Variants in NEDD4L observed in about 807,000 individuals in gnomAD.
NEDD4L encodes the protein E3 ubiquitin-protein ligase NEDD4-like.
NEDD4L carries 54 observed loss-of-function variants against 148.9 expected under a neutral mutation model. That is an observed-to-expected ratio of 0.36 (90% CI 0.29 to 0.45). The LOEUF (loss-of-function observed/expected upper bound fraction) is 0.45, where lower values mean the gene tolerates loss of function less well. Ranked by LOEUF, NEDD4L falls within the 20% of genes least tolerant of loss-of-function variation. The probability of loss-of-function intolerance (pLI) is 1.00; values close to 1 mark genes in which losing one functional copy is unlikely to be tolerated. For synonymous variants in NEDD4L, 433 were observed against 440.7 expected, an observed-to-expected ratio of 0.98 and a Z score of 0.22; for missense variants, 856 against 1,233.8, an observed-to-expected ratio of 0.69 and a Z score of 4.59.
intron 2 of NEDD4L, among the ~76,000 whole-genome samples, chr18:58,225,871 A>G (rs956683010): frequency 1.3e-5 from 2 of 152,216 alleles, no homozygotes; most frequent in Non-Finnish European, 2.9e-5. Flanking sequence ...GGGTAAGGCC[A>G]TCACAATTAC....
At chr18:58,154,709 C>A (rs1406518915) in intron 1 of NEDD4L, among the ~76,000 whole-genome samples, 1 of 152,284 alleles carries the variant, frequency 6.6e-6, no homozygotes, top group East Asian at 1.9e-4. Context: ...ATCGCTTGAA[C>A]CCAGGGAGGC....
At chr18:58,126,470 C>A (rs1425476357) in intron 1 of NEDD4L, among the ~76,000 whole-genome samples, 1 of 73,494 alleles carries the variant, frequency 1.4e-5, no homozygotes. Flanking sequence ...GTACTTCATT[C>A]CTTTTTATGG....
intron 4 of NEDD4L, among the ~76,000 whole-genome samples, chr18:58,250,868 G>A (rs1327150768): frequency 1.3e-5 from 2 of 152,212 alleles, no homozygotes; most frequent in East Asian, 3.8e-4. Flanking sequence ...TGTCACACAT[G>A]TGGTTGGTGC....
At chr18:58,325,274 A>G (rs2059212024) in intron 9 of NEDD4L, 112 bp downstream of exon 9, 3 of 1,258,032 alleles carry the variant, frequency 2.4e-6, no homozygotes, top group Non-Finnish European at 3.3e-6. Flanking sequence ...CTATAAGAGC[A>G]GATGGTGGTG....
chr18:58,191,519 T>C (rs1458030645), intron 2 of NEDD4L, among the ~76,000 whole-genome samples: 2 of 152,218 alleles, frequency 1.3e-5, no homozygotes, highest in Non-Finnish European at 1.5e-5. Flanking sequence ...TGAGGTGATC[T>C]GAAGGTTAGC....
At chr18:58,328,945 C>T (rs778266307) in intron 9 of NEDD4L, 50 bp from the exon 10 acceptor site, 41 of 1,610,286 alleles carry the variant, frequency 2.5e-5, no homozygotes, top group East Asian at 1.6e-4. Context: ...ATGAAGGGCC[C>T]GATCTCAACC....
chr18:58,390,523 A>G (rs1386761263), intron 28 of NEDD4L, 123 bp from the exon 29 acceptor site: 1 of 625,134 alleles, frequency 1.6e-6, no homozygotes, highest in African/African-American at 1.8e-5. Context: ...CTCAGTTTTC[A>G]GAGTCAACTG....
chr18:58,289,509 A>C (rs1460975628), intron 5 of NEDD4L, among the ~76,000 whole-genome samples: 3 of 152,220 alleles, frequency 2.0e-5, no homozygotes, highest in Non-Finnish European at 4.4e-5. Context: ...AGTACTTTTA[A>C]ATAAGGTTAT....
chr18:58,126,200 T>C (rs532180440), intron 1 of NEDD4L, among the ~76,000 whole-genome samples: 3 of 152,256 alleles, frequency 2.0e-5, no homozygotes, highest in Non-Finnish European at 4.4e-5. Context: ...GCTTTTAGTA[T>C]ATTCACACAC....
At chr18:58,140,885 A>G (rs1426074029) in intron 1 of NEDD4L, among the ~76,000 whole-genome samples, 3 of 152,178 alleles carry the variant, frequency 2.0e-5, no homozygotes, top group Admixed American at 6.5e-5. Context: ...CCTTAGAGGG[A>G]AGCATTGAGG....
At chr18:58,199,901 G>A (rs2041202382) in intron 2 of NEDD4L, among the ~76,000 whole-genome samples, 1 of 152,216 alleles carries the variant, frequency 6.6e-6, no homozygotes, top group Non-Finnish European at 1.5e-5. Context: ...TGCATTAATT[G>A]TGAGACATGT....
intron 24 of NEDD4L, among the ~76,000 whole-genome samples, chr18:58,377,666 G>T (rs934109486): frequency 6.6e-6 from 1 of 152,158 alleles, no homozygotes; most frequent in Non-Finnish European, 1.5e-5. Flanking sequence ...GGGAGGAGGG[G>T]CCCTTTTAGG....
chr18:58,303,721 T>G (rs981745603), intron 5 of NEDD4L, among the ~76,000 whole-genome samples: 1 of 152,192 alleles, frequency 6.6e-6, no homozygotes, highest in African/African-American at 2.4e-5. Flanking sequence ...TTCTTCAAAT[T>G]AAGCCATCCT....
chr18:58,233,908 A>G (rs2045563653), intron 2 of NEDD4L, among the ~76,000 whole-genome samples: 1 of 151,598 alleles, frequency 6.6e-6, no homozygotes, highest in Non-Finnish European at 1.5e-5. Flanking sequence ...CCTGTAAATG[A>G]CAATCTTCTC....
At chr18:58,165,566 C>G (rs2036745068) in intron 1 of NEDD4L, 4 of 776,816 alleles carry the variant, frequency 5.1e-6, no homozygotes, top group African/African-American at 1.9e-5. Flanking sequence ...TAAACTTGTG[C>G]TTAATTAACT....
chr18:58,060,109 C>T (rs182748269), intron 1 of NEDD4L, among the ~76,000 whole-genome samples: 1,256 of 89,764 alleles, frequency 0.014, 13 homozygotes, highest in Admixed American at 0.053. Context: ...GTGGTGTGTC[C>T]GGGAGTGCTT....
Position 58,123,646 on chromosome 18 carries a change from C to T in NEDD4L, c.49-42142C>T, listed in dbSNP as rs532415748. On this transcript the variant is annotated intron_variant, in intron 1 of 30. Coordinates refer to ENST00000400345, the MANE Select transcript of NEDD4L (RefSeq NM_001144967.3). ...ACTCATTGTATCAGGAATCTTATTA[C>T]ACTTTTGCAGCAGTTTCATCGGTTC... Among the ~76,000 whole-genome samples the T allele has an allele frequency of 3.3e-5, 5 of 152,332 alleles. No individual in the cohort carries two copies. The South Asian group carries it at 1.0e-3, about 32-fold the overall frequency.
intron 2 of NEDD4L, chr18:58,221,823 T>C (rs2043807909): frequency 1.5e-6 from 1 of 646,852 alleles, no homozygotes; most frequent in East Asian, 1.4e-4. Context: ...TGGTGTGAGT[T>C]TGATGTTGGT....
intron 1 of NEDD4L, among the ~76,000 whole-genome samples, chr18:58,139,974 C>G (rs1382448118): frequency 6.6e-6 from 1 of 152,148 alleles, no homozygotes; most frequent in Admixed American, 6.5e-5. Flanking sequence ...TTATATTTTG[C>G]TTGCATTGCT....
Sources: gnomAD v4.1 joint callset for allele counts (sites outside exome capture counted in the v4.1 genomes callset) on GRCh38, gnomAD v4.1.1 for gene constraint, MANE v1.5 for transcripts, NCBI Gene and HGNC (gene_info 2026-07-23, HGNC 2026-07-21) for gene names.